EML6: variants seen among roughly 807,000 people sequenced by gnomAD.
EML6 encodes EMAP like 6.
A neutral mutation model predicts 240.1 loss-of-function variants in EML6; 154 were observed. That is an observed-to-expected ratio of 0.64 (90% CI 0.56 to 0.73). The LOEUF (loss-of-function observed/expected upper bound fraction) is 0.73. EML6 is among the 30% of genes least tolerant of loss of function. The pLI, the probability that EML6 is intolerant of heterozygous loss-of-function variation, is 0.00. For synonymous variants in EML6, 1,148 were observed against 899.0 expected (o/e 1.28, Z -4.95); for missense variants, 2,964 against 2,474.6 (o/e 1.20, Z -4.20).
chr2:54,765,685 C>T (rs1299465498), intron 2 of EML6, among the ~76,000 whole-genome samples: 3 of 152,158 alleles, frequency 2.0e-5, no homozygotes, highest in Non-Finnish European at 2.9e-5. Flanking sequence ...TGGTCTCGAT[C>T]TCCTGACCTC....
At chr2:54,744,468 G>T (rs965693431) in intron 2 of EML6, among the ~76,000 whole-genome samples, 2 of 152,172 alleles carry the variant, frequency 1.3e-5, no homozygotes, top group Non-Finnish European at 2.9e-5. Context: ...TAGTGACTGT[G>T]ACTGGATCTG....
Position 54,891,094 on chromosome 2 carries a change from C to T in EML6, c.2479C>T (p.His827Tyr), listed in dbSNP as rs1008590653. The T allele has an allele frequency of 2.0e-5, 31 of 1,512,798 alleles. No homozygotes were observed. The highest frequency in any genetic ancestry group is 5.5e-5 in the African/African-American group (4 of 72,606). 93.7% of individuals were successfully genotyped at this position (1,512,798 alleles called of 1,614,324 possible). A position where few individuals can be genotyped will look rare whatever the true frequency, so the allele number is the denominator to read the frequency against. ...GATATTTGTGGTAAAGTGTAACCCACACCATGTTGACAAACTGGTTACAGT... is the reference window on the plus strand; with the variant it reads ...GATATTTGTGGTAAAGTGTAACCCATACCATGTTGACAAACTGGTTACAGT... ...DKIFVVKCNP[H>Y]HVDKLVTVGI... Residue 827 changes from histidine (H) to tyrosine (Y), a missense_variant, in exon 18 of 42, where the codon CAC (histidine) becomes TAC (tyrosine). Physicochemically the swap from His to Tyr is moderately conservative, Grantham distance 83 (BLOSUM62 2). Transcript: ENST00000356458.
intron 30 of EML6, among the ~76,000 whole-genome samples, chr2:54,951,026 A>G (rs1214296316): frequency 6.6e-6 from 1 of 152,134 alleles, no homozygotes; most frequent in Non-Finnish European, 1.5e-5. Flanking sequence ...GGCCATGTTG[A>G]CACCAGCCTC....
At chr2:54,814,218 A>T (rs1369555860) in intron 3 of EML6, among the ~76,000 whole-genome samples, 2 of 152,322 alleles carry the variant, frequency 1.3e-5, no homozygotes, top group East Asian at 3.9e-4. Flanking sequence ...CTCCTATAGC[A>T]GACCTTGCAT....
In EML6 at chr2:54,963,988, G is replaced by A; in HGVS notation, c.5160G>A (p.Lys1720=). Residue 1720 remains lysine, a splice_region_variant and synonymous_variant, in exon 37 of 42, where the codon AAG becomes AAA. Coordinates refer to ENST00000356458, the MANE Select transcript of EML6 (RefSeq NM_001039753.4). ...TARIWDLADK[K]LLNKVSLGHA... is the part of the protein sequence containing the mutation. ...GACTTTCCTTTGCATCAATGTAGAA[G>A]CTGTTAAACAAGGTGAGCTTGGGCC... 6.5e-7 allele frequency: 1 copy of A among 1,549,700 alleles called. No homozygotes were observed. Among genetic ancestry groups the A allele is most frequent in the Non-Finnish European group, 8.7e-7 (1 of 1,146,204 alleles).
chr2:54,779,343 A>T (rs1259745347), intron 2 of EML6, among the ~76,000 whole-genome samples: 1 of 151,794 alleles, frequency 6.6e-6, no homozygotes, highest in Non-Finnish European at 1.5e-5. Flanking sequence ...GTTCAAGACC[A>T]GCCTGGCCAT....
intron 16 of EML6, among the ~76,000 whole-genome samples, chr2:54,878,809 G>A (rs1350276544): frequency 2.0e-5 from 3 of 152,154 alleles, no homozygotes; most frequent in African/African-American, 4.8e-5. Flanking sequence ...TATAATAGAT[G>A]AAGAAAGATA....
chr2:54,821,976 T>C (rs1266183332), intron 5 of EML6, among the ~76,000 whole-genome samples: 2 of 152,102 alleles, frequency 1.3e-5, no homozygotes, highest in Admixed American at 6.5e-5. Flanking sequence ...TATTAAAATA[T>C]TCTGTATAAT....
rs1676933319 is a variant in EML6, at chr2:54,970,281, A to G, written c.*186A>G. On this transcript the variant is annotated 3_prime_UTR_variant, in exon 42 of 42. Coordinates refer to ENST00000356458, the MANE Select transcript of EML6 (RefSeq NM_001039753.4). Reference sequence around the variant, plus strand: ...ATAATCTGGACTCTCCAAAACCGTGATGCCACGAAGGAAGGTCAAGTTTTA... The same window carrying G: ...ATAATCTGGACTCTCCAAAACCGTGGTGCCACGAAGGAAGGTCAAGTTTTA... The G allele has an allele frequency of 3.2e-6, 2 of 633,780 alleles. No individual in the cohort carries two copies. Among genetic ancestry groups the G allele is most frequent in the African/African-American group, 3.7e-5 (2 of 54,580 alleles). The allele number at this position is 633,780 out of a possible 1,614,324, so 39.3% of individuals were successfully genotyped here.
intron 2 of EML6, among the ~76,000 whole-genome samples, chr2:54,798,932 A>G (rs1043949975): frequency 6.6e-6 from 1 of 152,184 alleles, no homozygotes; most frequent in African/African-American, 2.4e-5. Flanking sequence ...CTTTTATTAG[A>G]TTGGGAATTT....
At chr2:54,790,800 A>T (rs1231890803) in intron 2 of EML6, among the ~76,000 whole-genome samples, 1 of 141,340 alleles carries the variant, frequency 7.1e-6, no homozygotes, top group Non-Finnish European at 1.5e-5. Context: ...ATCTTGGCTC[A>T]CTGCAAGCTC....
At chr2:54,904,543 A>G (rs1046527027) in intron 24 of EML6, among the ~76,000 whole-genome samples, 1 of 152,302 alleles carries the variant, frequency 6.6e-6, no homozygotes, top group Admixed American at 6.5e-5. Context: ...TAGCGCTATC[A>G]AGGAAGAGCC....
At chr2:54,843,964 T>TGTG (rs1553394554) in intron 7 of EML6, 83 bp from the exon 8 acceptor site, 64 of 658,614 alleles carry the variant, frequency 9.7e-5, no homozygotes, top group Middle Eastern at 6.5e-4. Flanking sequence ...CTTTAGGGTT[T>TGTG]TGTGTGTGTG....
intron 31 of EML6, among the ~76,000 whole-genome samples, chr2:54,953,591 C>T (rs1304541519): frequency 6.6e-6 from 1 of 152,136 alleles, no homozygotes; most frequent in African/African-American, 2.4e-5. Context: ...AAACATTTGT[C>T]TTAAAAAAGG....
At chr2:54,825,325 T>C (rs1411130982) in intron 5 of EML6, among the ~76,000 whole-genome samples, 1 of 152,234 alleles carries the variant, frequency 6.6e-6, no homozygotes, top group Non-Finnish European at 1.5e-5. Context: ...AGGTTCATAG[T>C]AACAGCTTAA....
At chr2:54,905,700 C>G (rs1673292984) in intron 24 of EML6, among the ~76,000 whole-genome samples, 1 of 152,028 alleles carries the variant, frequency 6.6e-6, no homozygotes, top group African/African-American at 2.4e-5. Flanking sequence ...TTTTCATTTC[C>G]CCAACACCTG....
At chr2:54,954,516 C>T (rs564150596) in intron 32 of EML6, among the ~76,000 whole-genome samples, 1 of 152,212 alleles carries the variant, frequency 6.6e-6, no homozygotes. Context: ...TTTCTGATGG[C>T]CCCTGGATCC....
At chr2:54,831,329 A>G (rs1668858172) in intron 7 of EML6, among the ~76,000 whole-genome samples, 1 of 152,228 alleles carries the variant, frequency 6.6e-6, no homozygotes, top group African/African-American at 2.4e-5. Context: ...CATGGGGATC[A>G]GCTAAGAAGC....
At chr2:54,854,947 A>C (rs143751843) in intron 11 of EML6, among the ~76,000 whole-genome samples, 108 of 152,292 alleles carry the variant, frequency 7.1e-4, no homozygotes, top group African/African-American at 2.5e-3. Context: ...AAGAAACAAC[A>C]TTGGGGTCAG....
Sources: gnomAD v4.1 joint callset for allele counts (sites outside exome capture counted in the v4.1 genomes callset) on GRCh38, gnomAD v4.1.1 for gene constraint, MANE v1.5 for transcripts, NCBI Gene and HGNC (gene_info 2026-07-23, HGNC 2026-07-21) for gene names.